EXOC3L2: variants seen among roughly 807,000 people sequenced by gnomAD.
EXOC3L2 encodes the protein exocyst complex component 3-like protein 2.
Under a neutral mutation model 44.4 loss-of-function variants are expected in EXOC3L2, and 17 were observed. The observed-to-expected ratio is 0.38, with a 90% CI of 0.26 to 0.57. The LOEUF (loss-of-function observed/expected upper bound fraction) is 0.57, where lower values mean the gene tolerates loss of function less well. EXOC3L2 is among the 20% of genes least tolerant of loss of function. The pLI, the probability that EXOC3L2 is intolerant of heterozygous loss-of-function variation, is 0.65. For synonymous variants in EXOC3L2, 256 were observed against 253.7 expected, an observed-to-expected ratio of 1.01 and a Z score of -0.09; for missense variants, 541 against 588.4, an observed-to-expected ratio of 0.92 and a Z score of 0.83.
intron 8 of EXOC3L2, among the ~76,000 whole-genome samples, chr19:45,223,678 C>T (rs1458580957): frequency 1.3e-5 from 2 of 150,420 alleles, no homozygotes; most frequent in South Asian, 2.1e-4. Context: ...CAGCGAAGGT[C>T]GCACTGAGGT....
At chr19:45,216,468 A>G (rs1180055174) in intron 10 of EXOC3L2, among the ~76,000 whole-genome samples, 2 of 151,950 alleles carry the variant, frequency 1.3e-5, no homozygotes, top group Admixed American at 6.6e-5. Context: ...AATCCCAACT[A>G]CTCAGGAGGC....
intron 2 of EXOC3L2, among the ~76,000 whole-genome samples, chr19:45,237,020 A>AC (rs1970089976): frequency 1.3e-5 from 2 of 151,588 alleles, no homozygotes; most frequent in South Asian, 4.2e-4. Context: ...AAAAAAAAAA[A>AC]AAAAGGAGGT....
intron 8 of EXOC3L2, among the ~76,000 whole-genome samples, chr19:45,222,255 A>G (rs560797295): frequency 3.0e-3 from 445 of 148,230 alleles, no homozygotes; most frequent in Middle Eastern, 0.014. Context: ...GCTGAAGTAC[A>G]GTGGCATGAT....
At chr19:45,225,638 T>C (rs2122970592) in intron 7 of EXOC3L2, among the ~76,000 whole-genome samples, 1 of 151,136 alleles carries the variant, frequency 6.6e-6, no homozygotes, top group Non-Finnish European at 1.5e-5. Flanking sequence ...TTTTTTTTTT[T>C]TGAGACACAG....
At chr19:45,242,908 C>A (rs539410487) in intron 1 of EXOC3L2, among the ~76,000 whole-genome samples, 1 of 151,908 alleles carries the variant, frequency 6.6e-6, no homozygotes, top group Admixed American at 6.6e-5. Flanking sequence ...GCAGCCTCCT[C>A]CTGCCACCTC....
Position 45,235,864 on chromosome 19 carries a change from G to A in EXOC3L2, c.524-1038C>T, listed in dbSNP as rs560115699. Among the ~76,000 whole-genome samples the A allele has an allele frequency of 2.0e-5, 3 of 152,266 alleles. No individual in the cohort carries two copies. The South Asian group carries it at 6.2e-4, about 32-fold the overall frequency. On this transcript the variant is annotated intron_variant, in intron 2 of 11. Transcript: ENST00000413988. The stretch of plus-strand genomic sequence containing the variant: ...AGAGGACAGAAAAGGCTCTCCTGAG[G>A]TCCCCAGCCCTGGAGCAGTTCGGGC...
intron 4 of EXOC3L2, 145 bp downstream of exon 4, chr19:45,231,618 A>G (rs1247411871): frequency 4.8e-6 from 3 of 630,880 alleles, no homozygotes; most frequent in Non-Finnish European, 8.1e-6. Context: ...CTTTGTGTCT[A>G]TGGCACATGG....
rs373136344 is a variant in EXOC3L2, at chr19:45,228,256, C to T, written c.1280G>A (p.Arg427Gln). Residue 427 changes from arginine (R) to glutamine (Q), a missense_variant, in exon 5 of 12, where the codon CGG becomes CAG. Transcript: ENST00000413988. ...CTGCAGCACACGGAGAAGGGCAGCC[C>T]GGGTCTGAGCCTACAGTAGGGAGAG... ...ECVTDVKAQTRAALLRVLQED... is the reference protein window; with the variant it reads ...ECVTDVKAQTQAALLRVLQED... 28 of 1,613,866 alleles carry T rather than the reference C, an allele frequency of 1.7e-5. No individual in the cohort carries two copies. The highest frequency in any genetic ancestry group is 1.6e-4 in the Middle Eastern group (1 of 6,082).
intron 10 of EXOC3L2, 56 bp from the exon 11 acceptor site, chr19:45,216,250 C>T: frequency 6.3e-7 from 1 of 1,591,708 alleles, no homozygotes; most frequent in Non-Finnish European, 8.5e-7. Context: ...CCTGCCAATT[C>T]CTGCCCCTCC....
In EXOC3L2 at chr19:45,238,984, G is replaced by A. The variant is rs1196150062; in HGVS notation, c.62C>T (p.Pro21Leu). 2.5e-6 allele frequency: 1 copy of A among 399,116 alleles called. No homozygotes were observed. The allele number at this position is 399,116 out of a possible 1,614,324, so 24.7% of individuals were successfully genotyped here. Reference sequence around the variant, plus strand: ...AAAGGGGTTCCGAGAGGACCTCAGGGGCAGGGTCCCCGCCCGGGGCACCTT... The same window carrying A: ...AAAGGGGTTCCGAGAGGACCTCAGGAGCAGGGTCCCCGCCCGGGGCACCTT... The part of the protein sequence containing the change: ...DPKVPRAGTL[P>L]LRSSRNPFEE... The change falls in exon 2 of 12, where the codon CCC becomes CTC. Residue 21 changes from proline (P) to leucine (L), a missense_variant. Pro to Leu is a moderately conservative substitution (Grantham distance 98, BLOSUM62 -3). Coordinates refer to ENST00000413988, the MANE Select transcript of EXOC3L2 (RefSeq NM_001382422.1). This position sits in a 1 kb window ranked among gnomAD's most constrained non-coding sequence, Gnocchi z 5.5.
chr19:45,213,312 G>T lies in EXOC3L2; in HGVS notation c.2166C>A (p.Asn722Lys). Residue 722 changes from asparagine to lysine, a missense_variant, in exon 12 of 12, where the codon AAC becomes AAA. Physicochemically the swap from Asn to Lys is moderately conservative, Grantham distance 94 (BLOSUM62 0). Coordinates refer to ENST00000413988, the MANE Select transcript of EXOC3L2 (RefSeq NM_001382422.1). ...CCAGGATCTCCTGGCGGGCGGCTGT[G>T]TTGCGCAGGCCACGGATGTCGAGGA... ...AALLDIRGLR[N>K]TAARQEILAV... 6.2e-7 allele frequency: 1 copy of T among 1,613,826 alleles called. No homozygotes were observed. Among genetic ancestry groups the T allele is most frequent in the Non-Finnish European group, 8.5e-7 (1 of 1,179,902 alleles).
chr19:45,234,243 C>A lies in EXOC3L2; in HGVS notation c.1107G>T (p.Pro369=), dbSNP rs1182367523. 4 of 396,408 alleles carry A rather than the reference C, an allele frequency of 1.0e-5. No individual in the cohort carries two copies. The highest frequency in any genetic ancestry group is 4.4e-5 in the Admixed American group (1 of 22,630). The allele number at this position is 396,408 out of a possible 1,614,324, so 24.6% of individuals were successfully genotyped here. A position where few individuals can be genotyped will look rare whatever the true frequency, so the allele number is the denominator to read the frequency against. Residue 369 remains proline (P), a synonymous_variant, in exon 3 of 12, where the codon CCG becomes CCT. Coordinates refer to ENST00000413988, the MANE Select transcript of EXOC3L2 (RefSeq NM_001382422.1). This position sits in a 1 kb window ranked among gnomAD's most constrained non-coding sequence, Gnocchi z 5.0. Reference sequence around the variant, plus strand: ...GCAGCAGCGCGTAGCGGTCGGCCAGCGGCAGCCTGCGACGGGCGGAGGCCC... The same window carrying A: ...GCAGCAGCGCGTAGCGGTCGGCCAGAGGCAGCCTGCGACGGGCGGAGGCCC... ...WLGASARRRL[P]LADRYALLHW...
intron 1 of EXOC3L2, among the ~76,000 whole-genome samples, chr19:45,241,007 C>A (rs2122995118): frequency 6.6e-6 from 1 of 152,290 alleles, no homozygotes; most frequent in African/African-American, 2.4e-5. Context: ...CCCATCCCTG[C>A]CATTACAGCT....
rs944224810 is a variant in EXOC3L2 at position 45,234,170 on chromosome 19, T to C, written c.1157+23A>G. The C allele has an allele frequency of 2.5e-6, 1 of 394,928 alleles. No individual in the cohort carries two copies. The highest frequency in any genetic ancestry group is 4.5e-6 in the Non-Finnish European group (1 of 223,670). 24.5% of individuals were successfully genotyped at this position (394,928 alleles called of 1,614,324 possible). ...GTAGGGCTGAGGGTTTCACGTGACC[T>C]TGGGCAACTGAGTCCAGCTTACCTG... On this transcript the variant is annotated intron_variant, in intron 3 of 11. Coordinates refer to ENST00000413988, the MANE Select transcript of EXOC3L2 (RefSeq NM_001382422.1). The surrounding 1 kb of genome is among the most constrained non-coding windows in gnomAD (Gnocchi z 5.0).
intron 2 of EXOC3L2, among the ~76,000 whole-genome samples, chr19:45,236,575 G>GA (rs1038558832): frequency 5.3e-5 from 8 of 152,090 alleles, no homozygotes; most frequent in South Asian, 4.2e-4. Flanking sequence ...GGAGGTTGGG[G>GA]ATGGGGGTTT....
chr19:45,227,814 G>T (rs1378866770), intron 6 of EXOC3L2, 42 bp from the exon 7 acceptor site: 1 of 1,580,624 alleles, frequency 6.3e-7, no homozygotes, highest in Non-Finnish European at 8.6e-7. Context: ...CACTGGGTCA[G>T]GGTCCCTCGT....
At chr19:45,226,130 T>A (rs1039945138) in intron 7 of EXOC3L2, among the ~76,000 whole-genome samples, 10 of 152,152 alleles carry the variant, frequency 6.6e-5, no homozygotes, top group Admixed American at 6.6e-4. Context: ...TTGGTTCCAT[T>A]TTTTCCAGGG....
chr19:45,222,714 A>G (rs1241145683), intron 8 of EXOC3L2, among the ~76,000 whole-genome samples: 1 of 152,162 alleles, frequency 6.6e-6, no homozygotes, highest in Non-Finnish European at 1.5e-5. Flanking sequence ...TGGGTGACAG[A>G]GCAAGACTCT....
Position 45,216,105 on chromosome 19 carries a change from C to A in EXOC3L2, c.2088G>T (p.Val696=). The change falls in exon 11 of 12, where the codon GTG becomes GTT. Residue 696 remains valine (V), a synonymous_variant. Transcript: ENST00000413988. ...CTGGGTAGTCGCGCACCAACACTCC[C>A]ACCTCCACCTGGATGCTGGGCGTGT... ...LEDTPSIQVE[V]GVLVRDYPDI... 6.2e-7 allele frequency: 1 copy of A among 1,613,994 alleles called. No individual in the cohort carries two copies. Among genetic ancestry groups the A allele is most frequent in the Non-Finnish European group, 8.5e-7 (1 of 1,179,980 alleles).
Sources: allele counts gnomAD v4.1 joint callset (sites outside exome capture counted in the v4.1 genomes callset), GRCh38; gene constraint gnomAD v4.1.1; non-coding constraint Gnocchi (gnomAD v3.1); transcripts MANE v1.5; gene names NCBI Gene and HGNC (gene_info 2026-07-23, HGNC 2026-07-21).